The following LOC122539214 variants were observed in gnomAD, a reference collection of about 807,000 sequenced individuals.
chr19:52,666,938 G>C, the LOC122539214 span, among the ~76,000 whole-genome samples: 1 of 152,118 alleles, frequency 6.6e-6, no homozygotes, highest in African/African-American at 2.4e-5. Flanking sequence ...CTAATAATTG[G>C]ACTGCTGAAA....
chr19:52,665,751 G>A, the LOC122539214 span, among the ~76,000 whole-genome samples: 3 of 152,152 alleles, frequency 2.0e-5, no homozygotes, highest in Admixed American at 6.5e-5. Flanking sequence ...CTAGCCGATA[G>A]GGGAATGACA....
At chr19:52,687,616 G>GTATATATATATAATGTATATATA in the LOC122539214 span, among the ~76,000 whole-genome samples, 1 of 15,822 alleles carries the variant, frequency 6.3e-5, no homozygotes, top group Non-Finnish European at 1.1e-4. Context: ...TATATAATGT[G>GTATATATATATAATGTATATATA]TATATATATA....
chr19:52,671,482 C>T, the LOC122539214 span, among the ~76,000 whole-genome samples: 1 of 151,806 alleles, frequency 6.6e-6, no homozygotes, highest in East Asian at 1.9e-4. Flanking sequence ...CTAGTTCTGT[C>T]ACCCCGGCTG....
chr19:52,651,079 A>G, the LOC122539214 span: 55 of 152,212 alleles, frequency 3.6e-4, no homozygotes, highest in Admixed American at 1.3e-3. Flanking sequence ...TACTACTCCA[A>G]TATTACTTGT....
the LOC122539214 span, among the ~76,000 whole-genome samples, chr19:52,684,672 G>A: frequency 6.6e-6 from 1 of 152,130 alleles, no homozygotes; most frequent in East Asian, 1.9e-4. Flanking sequence ...TGGGTGGGAG[G>A]GCATGGGAGA....
At chr19:52,660,495 A>G in the LOC122539214 span, among the ~76,000 whole-genome samples, 2,806 of 149,858 alleles carry the variant, frequency 0.019, 97 homozygotes, top group African/African-American at 0.065. Flanking sequence ...GTGGACACCT[A>G]TAATCACAGC....
the LOC122539214 span, among the ~76,000 whole-genome samples, chr19:52,679,516 CAGG>C: frequency 6.6e-6 from 1 of 152,156 alleles, no homozygotes; most frequent in African/African-American, 2.4e-5. Context: ...GAGGCTCAGG[CAGG>C]AGAATTGCTT....
chr19:52,678,449 C>CAAA, the LOC122539214 span, among the ~76,000 whole-genome samples: 22 of 109,630 alleles, frequency 2.0e-4, no homozygotes, highest in Admixed American at 3.0e-4. Context: ...GACTTCATCT[C>CAAA]AAAAAAAAAA....
the LOC122539214 span, among the ~76,000 whole-genome samples, chr19:52,687,637 A>G: frequency 6.3e-4 from 11 of 17,358 alleles, 1 homozygote; most frequent in South Asian, 1.5e-3. Context: ...TATAATGTAT[A>G]TATATATATA....
chr19:52,656,938 C>T, the LOC122539214 span, among the ~76,000 whole-genome samples: 17 of 151,860 alleles, frequency 1.1e-4, no homozygotes, highest in African/African-American at 2.9e-4. Flanking sequence ...ATCACACCTA[C>T]ACACACTTCA....
At chr19:52,690,419 T>G in the LOC122539214 span, 1 of 174,662 alleles carries the variant, frequency 5.7e-6, no homozygotes, top group Middle Eastern at 7.7e-4. Flanking sequence ...AAATGCAGAC[T>G]TAATACAAAA....
At chr19:52,676,263 G>A in the LOC122539214 span, among the ~76,000 whole-genome samples, 4 of 152,298 alleles carry the variant, frequency 2.6e-5, no homozygotes, top group East Asian at 1.9e-4. Flanking sequence ...GATTGCAGAC[G>A]GAGTCTCGTT....
chr19:52,679,695 C>T, the LOC122539214 span, among the ~76,000 whole-genome samples: 1 of 152,174 alleles, frequency 6.6e-6, no homozygotes, highest in African/African-American at 2.4e-5. Flanking sequence ...ACCTGGTCCA[C>T]GCTGACAATT....
the LOC122539214 span, among the ~76,000 whole-genome samples, chr19:52,674,756 T>C: frequency 1.3e-5 from 2 of 152,170 alleles, no homozygotes; most frequent in Non-Finnish European, 2.9e-5. Context: ...TTGATCAAAA[T>C]GATTAAAAAC....
At chr19:52,668,607 C>T in the LOC122539214 span, among the ~76,000 whole-genome samples, 1 of 152,124 alleles carries the variant, frequency 6.6e-6, no homozygotes, top group Non-Finnish European at 1.5e-5. Flanking sequence ...ATGCCTCGTG[C>T]CAAATGACAA....
chr19:52,687,298 T>C, the LOC122539214 span, among the ~76,000 whole-genome samples: 1 of 143,782 alleles, frequency 7.0e-6, no homozygotes, highest in East Asian at 2.0e-4. Context: ...GAGACCAGCT[T>C]GGGAATTTAA....
At chr19:52,650,917 C>T in the LOC122539214 span, 1 of 152,140 alleles carries the variant, frequency 6.6e-6, no homozygotes, top group Non-Finnish European at 1.5e-5. Context: ...AAGGAAGCTA[C>T]AAGTTCCTCC....
the LOC122539214 span, among the ~76,000 whole-genome samples, chr19:52,656,765 C>T: frequency 6.6e-6 from 1 of 150,404 alleles, no homozygotes; most frequent in African/African-American, 2.5e-5. Context: ...ACTCAGGAGG[C>T]TGAGGCAGAA....
the LOC122539214 span, among the ~76,000 whole-genome samples, chr19:52,667,300 TAAATC>T: frequency 6.7e-6 from 1 of 149,510 alleles, no homozygotes; most frequent in Admixed American, 6.7e-5. Flanking sequence ...TGTCCTAAAA[TAAATC>T]AAATGGTGGT....
Sources: gnomAD v4.1 joint callset for allele counts (sites outside exome capture counted in the v4.1 genomes callset) on GRCh38, gnomAD v4.1.1 for gene constraint, MANE v1.5 for transcripts.